The following GPHN variants were observed in gnomAD, a reference collection of about 807,000 sequenced individuals.
The protein encoded by GPHN is gephyrin.
A neutral mutation model predicts 95.5 loss-of-function variants in GPHN; 17 were observed. The ratio of observed to expected loss-of-function variants is 0.18; its 90% CI spans 0.12 to 0.27. The LOEUF (loss-of-function observed/expected upper bound fraction) is 0.27. Among genes scored for constraint, GPHN ranks in the 10% least tolerant of loss-of-function variants. The pLI, the probability that GPHN is intolerant of heterozygous loss-of-function variation, is 1.00. For synonymous variants in GPHN, 320 were observed against 322.5 expected (o/e 0.99, Z 0.08); for missense variants, 660 against 978.1 (o/e 0.67, Z 4.34).
intron 1 of GPHN, among the ~76,000 whole-genome samples, chr14:66,621,218 G>A (rs185483203): frequency 5.6e-4 from 82 of 146,494 alleles, no homozygotes; most frequent in African/African-American, 1.6e-3. Context: ...CTCATGATCC[G>A]CCTGCCTCGG....
the GPHN span, chr14:67,690,813 T>G: frequency 2.7e-6 from 1 of 370,116 alleles, no homozygotes; most frequent in Non-Finnish European, 4.9e-6. Context: ...CAAGACCCTG[T>G]CTTTACAAAA....
chr14:66,508,234 C>G lies in GPHN; in HGVS notation c.-294C>G. 1 of 546,748 alleles carries G rather than the reference C, an allele frequency of 1.8e-6. No homozygotes were observed. The allele number at this position is 546,748 out of a possible 1,614,324, so 33.9% of individuals were successfully genotyped here. A position where few individuals can be genotyped will look rare whatever the true frequency, so the allele number is the denominator to read the frequency against. ...ACTCTCCGGCCTCGTTCTGCCGCCT[C>G]CGCGCGCTCTCCCCGTGCGGCCACC... On this transcript the variant is annotated 5_prime_UTR_variant, in exon 1 of 23. Transcript: ENST00000478722.
intron 1 of GPHN, among the ~76,000 whole-genome samples, chr14:66,560,203 G>A (rs550780917): frequency 2.5e-4 from 38 of 152,182 alleles, no homozygotes; most frequent in Non-Finnish European, 3.1e-4. Context: ...TTTTGGCTTA[G>A]GATTGACTTG....
At chr14:67,037,562 A>C (rs901780845) in intron 10 of GPHN, among the ~76,000 whole-genome samples, 1 of 151,868 alleles carries the variant, frequency 6.6e-6, no homozygotes, top group Non-Finnish European at 1.5e-5. Context: ...TAAGGGGTTA[A>C]TATCCAGAAT....
intron 2 of GPHN, among the ~76,000 whole-genome samples, chr14:66,719,242 C>T (rs758316993): frequency 1.2e-4 from 18 of 152,182 alleles, no homozygotes; most frequent in Admixed American, 2.0e-4. Context: ...GGCCGCCCTC[C>T]AGAAAGATCC....
intron 8 of GPHN, among the ~76,000 whole-genome samples, chr14:66,947,538 T>C (rs1487174935): frequency 6.6e-6 from 1 of 152,218 alleles, no homozygotes; most frequent in Non-Finnish European, 1.5e-5. Context: ...ATATAAATTT[T>C]GGTAAATATA....
intron 2 of GPHN, among the ~76,000 whole-genome samples, chr14:66,686,919 C>T (rs931357294): frequency 9.9e-5 from 15 of 152,036 alleles, no homozygotes; most frequent in African/African-American, 3.1e-4. Flanking sequence ...TTTTGAGATA[C>T]GTCCCATCAA....
At chr14:67,112,529 G>A (rs770425863) in intron 15 of GPHN, among the ~76,000 whole-genome samples, 1 of 152,156 alleles carries the variant, frequency 6.6e-6, no homozygotes, top group Non-Finnish European at 1.5e-5. Flanking sequence ...CCACAGATCA[G>A]GACCAACCTA....
At chr14:67,132,261 T>G (rs1432520919) in intron 17 of GPHN, among the ~76,000 whole-genome samples, 1 of 152,218 alleles carries the variant, frequency 6.6e-6, no homozygotes, top group Non-Finnish European at 1.5e-5. Flanking sequence ...ACTTCCAATT[T>G]GTGAACCAAA....
chr14:66,589,675 A>G (rs1333192913), intron 1 of GPHN, among the ~76,000 whole-genome samples: 1 of 152,204 alleles, frequency 6.6e-6, no homozygotes, highest in East Asian at 1.9e-4. Context: ...ACCCAGATTC[A>G]TAAAGCAAGT....
At chr14:67,578,282 C>T in the GPHN span, 1 of 1,283,056 alleles carries the variant, frequency 7.8e-7, no homozygotes, top group African/African-American at 1.4e-5. This position sits in a 1 kb window ranked among gnomAD's most constrained non-coding sequence, Gnocchi z 5.0. Flanking sequence ...GGTGACTGGG[C>T]AGGTATACGG....
the GPHN span, among the ~76,000 whole-genome samples, chr14:67,372,059 G>A: frequency 2.0e-5 from 3 of 151,814 alleles, no homozygotes; most frequent in African/African-American, 4.8e-5. Flanking sequence ...GAGCCCAGGA[G>A]TTCGAGACCA....
chr14:66,676,237 A>C lies in GPHN; in HGVS notation c.65-4870A>C, dbSNP rs1053238744. Among the ~76,000 whole-genome samples the C allele has an allele frequency of 4.6e-5, 7 of 152,152 alleles. No individual in the cohort carries two copies. The East Asian group carries it at 1.4e-3, about 29-fold the overall frequency. ...GAGTCTTCAGGATTTTTTATATGTA[A>C]GATTATGTCATCTGCAAAGAGGGAC... On this transcript the variant is annotated intron_variant, in intron 1 of 22. Transcript: ENST00000478722.
chr14:67,098,765 T>C (rs1259228968), intron 12 of GPHN, among the ~76,000 whole-genome samples: 1 of 150,166 alleles, frequency 6.7e-6, no homozygotes. Context: ...GAGGTTGCAG[T>C]GAGCTGAGAT....
intron 11 of GPHN, among the ~76,000 whole-genome samples, chr14:67,074,734 A>C (rs1445037398): frequency 1.3e-5 from 2 of 152,164 alleles, no homozygotes; most frequent in Admixed American, 1.3e-4. Context: ...AAGGAAATTA[A>C]AAGTGCAGTA....
At chr14:67,650,518 C>T in the GPHN span, 4 of 600,190 alleles carry the variant, frequency 6.7e-6, no homozygotes, top group Non-Finnish European at 1.2e-5. Context: ...TTTTAATCTA[C>T]TATAGCACAA....
chr14:66,917,959 A>T (rs1379843840), intron 6 of GPHN, among the ~76,000 whole-genome samples: 1 of 152,192 alleles, frequency 6.6e-6, no homozygotes, highest in Non-Finnish European at 1.5e-5. Flanking sequence ...AGTTTTAGCC[A>T]ACTGCAAAAA....
intron 2 of GPHN, 130 bp from the exon 3 acceptor site, chr14:66,776,334 T>G (rs2059381522): frequency 1.4e-6 from 1 of 727,446 alleles, no homozygotes; most frequent in African/African-American, 1.7e-5. Context: ...AAAATGGTTG[T>G]TTTTCCTCCA....
chr14:67,072,334 G>A (rs2076343108), intron 11 of GPHN, among the ~76,000 whole-genome samples: 1 of 152,054 alleles, frequency 6.6e-6, no homozygotes, highest in Admixed American at 6.6e-5. Context: ...GAAAATTAGT[G>A]AAAATTAAAA....
Sources: gnomAD v4.1 joint callset for allele counts (sites outside exome capture counted in the v4.1 genomes callset) on GRCh38, gnomAD v4.1.1 for gene constraint, Gnocchi (gnomAD v3.1) non-coding constraint, MANE v1.5 for transcripts, NCBI Gene and HGNC (gene_info 2026-07-23, HGNC 2026-07-21) for gene names.